Variants in ZFHX3 observed in about 807,000 individuals in gnomAD.
The protein encoded by ZFHX3 is zinc finger homeobox protein 3.
A neutral mutation model predicts 279.1 loss-of-function variants in ZFHX3; 42 were observed. That is an observed-to-expected ratio of 0.15 (90% CI 0.12 to 0.19). The LOEUF is 0.19. ZFHX3 is among the 10% of genes least tolerant of loss of function. ZFHX3 has a pLI of 1.00. For missense variants in ZFHX3, 4,981 were observed against 4,754.0 expected, an observed-to-expected ratio of 1.05 and a Z score of -1.40; for synonymous variants, 2,293 against 1,957.8, an observed-to-expected ratio of 1.17 and a Z score of -4.52.
intron 3 of ZFHX3, among the ~76,000 whole-genome samples, chr16:73,438,514 T>C (rs2018033554): frequency 6.6e-6 from 1 of 152,208 alleles, no homozygotes; most frequent in Non-Finnish European, 1.5e-5. Context: ...CCAAATGTAT[T>C]TTGAACTGTA....
chr16:72,958,692 T>C lies in ZFHX3; in HGVS notation c.1454A>G (p.Glu485Gly), dbSNP rs1961388643. The C allele has an allele frequency of 6.2e-7, 1 of 1,611,298 alleles. No individual in the cohort carries two copies. The highest frequency in any genetic ancestry group is 1.3e-5 in the African/African-American group (1 of 74,712). The change falls in exon 2 of 10, where the codon GAG becomes GGG. Residue 485 changes from glutamate to glycine, a missense_variant. This residue lies in a region of ZFHX3 where 1,068 missense variants were observed against 935.2 expected (regional missense o/e 1.14). Coordinates refer to ENST00000268489, the MANE Select transcript of ZFHX3 (RefSeq NM_006885.4). ...TCCTTTGCAACCCTCGTCTTCCTCC[T>C]CCTCTTCTTCCTCCTCCTCTTCTTC... ...EEEEEEEEEEEEEDEGCKGLF... is the reference protein window; with the variant it reads ...EEEEEEEEEEGEEDEGCKGLF...
At chr16:73,158,897 T>C (rs1967159400) in intron 5 of ZFHX3, among the ~76,000 whole-genome samples, 1 of 152,144 alleles carries the variant, frequency 6.6e-6, no homozygotes, top group Non-Finnish European at 1.5e-5. Context: ...TGAAACTGGA[T>C]CCCTTCCTTA....
intron 1 of ZFHX3, among the ~76,000 whole-genome samples, chr16:72,988,277 T>A (rs1962930097): frequency 6.6e-6 from 1 of 152,184 alleles, no homozygotes; most frequent in Admixed American, 6.5e-5. Flanking sequence ...GAAAGGCTCA[T>A]AAGCACAGTC....
At chr16:73,777,769 C>G (rs112070295) in intron 1 of ZFHX3, among the ~76,000 whole-genome samples, 1,531 of 152,214 alleles carry the variant, frequency 0.01, 28 homozygotes, top group African/African-American at 0.035. Context: ...CATGTTATCT[C>G]CATTTTGCAT....
In ZFHX3 at chr16:73,325,659, C is replaced by T. The variant is rs73587753; in HGVS notation, c.-1290-7323G>A. Among the ~76,000 whole-genome samples the T allele has an allele frequency of 6.0e-3, 910 of 152,094 alleles. 13 individuals are homozygous for T. Among genetic ancestry groups the T allele is most frequent in the African/African-American group, 0.021 (866 of 41,494 alleles). On this transcript the variant is annotated intron_variant, in intron 3 of 17. Coordinates refer to the ZFHX3 transcript ENST00000641206. The stretch of plus-strand genomic sequence containing the variant: ...ACATTCAAAGATCAATCCAACAAGC[C>T]TACAACAGAAAACATACCACTGCTA...
chr16:73,843,858 A>G (rs769578705), intron 1 of ZFHX3, among the ~76,000 whole-genome samples: 2 of 152,250 alleles, frequency 1.3e-5, no homozygotes, highest in African/African-American at 2.4e-5. Context: ...ACAGTTTGTA[A>G]ACAAAGGGGC....
intron 4 of ZFHX3, among the ~76,000 whole-genome samples, chr16:72,873,243 A>G (rs1380447241): frequency 6.6e-6 from 1 of 152,266 alleles, no homozygotes; most frequent in Non-Finnish European, 1.5e-5. Context: ...TACAACTAAC[A>G]GATGTTTAAT....
intron 5 of ZFHX3, among the ~76,000 whole-genome samples, chr16:73,231,529 G>T (rs2012772049): frequency 6.6e-6 from 1 of 152,156 alleles, no homozygotes; most frequent in Admixed American, 6.5e-5. Context: ...GCAGCGAGGG[G>T]GTGATAAGGC....
At chr16:73,883,812 G>C (rs1044861911) in intron 1 of ZFHX3, among the ~76,000 whole-genome samples, 4 of 152,102 alleles carry the variant, frequency 2.6e-5, no homozygotes, top group Non-Finnish European at 5.9e-5. Flanking sequence ...AGGTGGTCAA[G>C]TCAAGGGTGC....
intron 4 of ZFHX3, among the ~76,000 whole-genome samples, chr16:72,885,327 C>T (rs1317997746): frequency 1.3e-5 from 2 of 152,250 alleles, no homozygotes; most frequent in Non-Finnish European, 1.5e-5. Flanking sequence ...ACGTGCCCAA[C>T]CACGAGGCCT....
intron 2 of ZFHX3, among the ~76,000 whole-genome samples, chr16:73,570,875 A>C (rs1396163206): frequency 1.3e-5 from 2 of 151,798 alleles, no homozygotes; most frequent in East Asian, 3.9e-4. Flanking sequence ...AGAACTAAAA[A>C]GTTTAATTCC....
intron 4 of ZFHX3, among the ~76,000 whole-genome samples, chr16:73,258,596 C>A (rs138991825): frequency 6.6e-6 from 1 of 152,096 alleles, no homozygotes; most frequent in East Asian, 1.9e-4. Context: ...GATCCGCCCA[C>A]CTCAGCCTCC....
At chr16:73,024,574 C>G (rs977096179) in intron 1 of ZFHX3, among the ~76,000 whole-genome samples, 2 of 152,184 alleles carry the variant, frequency 1.3e-5, no homozygotes, top group Admixed American at 1.3e-4. Context: ...ACTGGGAATG[C>G]AATGATAAAA....
intron 1 of ZFHX3, among the ~76,000 whole-genome samples, chr16:73,041,662 T>C (rs1597126741): frequency 6.6e-6 from 1 of 152,290 alleles, no homozygotes; most frequent in South Asian, 2.1e-4. Context: ...GCTTGAGTAG[T>C]GACACCAACC....
intron 1 of ZFHX3, among the ~76,000 whole-genome samples, chr16:73,846,212 T>A (rs1961444848): frequency 6.6e-6 from 1 of 152,172 alleles, no homozygotes; most frequent in Non-Finnish European, 1.5e-5. Context: ...AAGAGTGAAT[T>A]TGACTGTATG....
intron 4 of ZFHX3, among the ~76,000 whole-genome samples, chr16:73,274,718 A>G (rs2014244788): frequency 6.6e-6 from 1 of 152,148 alleles, no homozygotes; most frequent in Non-Finnish European, 1.5e-5. Flanking sequence ...ATCTGTTTTG[A>G]TAATCTAATA....
At position 72,957,579 on chromosome 16, in the gene ZFHX3, G is replaced by A. The variant is rs1961312059; in HGVS notation, c.2567C>T (p.Pro856Leu). 3.1e-6 allele frequency: 5 copies of A among 1,614,154 alleles called. No homozygotes were observed. The highest frequency in any genetic ancestry group is 4.2e-6 in the Non-Finnish European group (5 of 1,180,048). Residue 856 changes from proline (P) to leucine (L), a missense_variant, in exon 2 of 10, where the codon CCC (proline) becomes CTC (leucine). Pro to Leu is a moderately conservative substitution (Grantham distance 98). This residue lies in a region of ZFHX3 where 1,751 missense variants were observed against 1,770.0 expected (regional missense o/e 0.99). Transcript: ENST00000268489. ...GTATTGGTAGAGCTCGGCCTCGGCGGGTGAGGGCAGGCTGCCGAGGCCCAG... is the reference window on the plus strand; with the variant it reads ...GTATTGGTAGAGCTCGGCCTCGGCGAGTGAGGGCAGGCTGCCGAGGCCCAG... ...RHLGLGSLPS[P>L]AEAELYQYYL...
intron 2 of ZFHX3, among the ~76,000 whole-genome samples, chr16:73,469,761 G>T (rs931780832): frequency 1.4e-4 from 21 of 152,026 alleles, no homozygotes; most frequent in African/African-American, 4.8e-4. Flanking sequence ...GGGATTACAG[G>T]CTCCTGACAC....
At chr16:72,798,848 G>A in intron 8 of ZFHX3, 134 bp from the exon 9 acceptor site, 3 of 1,404,616 alleles carry the variant, frequency 2.1e-6, no homozygotes, top group Non-Finnish European at 2.8e-6. Flanking sequence ...CAACCTGAAT[G>A]ACAGAATCTC....
Sources: gnomAD v4.1 joint callset for allele counts (sites outside exome capture counted in the v4.1 genomes callset) on GRCh38, gnomAD v4.1.1 for gene constraint, gnomAD v4.1.1 regional missense constraint, MANE v1.5 for transcripts, NCBI Gene and HGNC (gene_info 2026-07-23, HGNC 2026-07-21) for gene names.